The following NRG2 variants were observed in gnomAD, a reference collection of about 807,000 sequenced individuals.
The protein encoded by NRG2 is neuregulin 2, also known as pro-neuregulin-2, membrane-bound isoform.
A neutral mutation model predicts 73.9 loss-of-function variants in NRG2; 27 were observed. The observed-to-expected ratio is 0.37, with a 90% CI of 0.27 to 0.50. The LOEUF (loss-of-function observed/expected upper bound fraction) is 0.50. NRG2 is among the 20% of genes least tolerant of loss of function. NRG2 has a pLI of 0.96. For synonymous variants in NRG2, 532 were observed against 541.0 expected, an observed-to-expected ratio of 0.98 and a Z score of 0.23; for missense variants, 1,126 against 1,210.1, an observed-to-expected ratio of 0.93 and a Z score of 1.03.
rs1759195436 is a variant in NRG2 at position 140,009,635 on chromosome 5, G to A, written c.700+32735C>T. On this transcript the variant is annotated intron_variant, in intron 1 of 9. Coordinates refer to ENST00000361474, the MANE Select transcript of NRG2 (RefSeq NM_004883.3). ...TCCCACCAACAATGAATGAGAGGAT[G>A]TCCCACATCCTTGCCAGCTTTTGGT... Among the ~76,000 whole-genome samples, 4 of 152,206 alleles carry A rather than the reference G, an allele frequency of 2.6e-5. No homozygotes were observed. The South Asian group carries it at 8.3e-4, about 32-fold the overall frequency.
At chr5:139,929,906 A>G (rs955855778) in intron 1 of NRG2, among the ~76,000 whole-genome samples, 1 of 152,228 alleles carries the variant, frequency 6.6e-6, no homozygotes, top group African/African-American at 2.4e-5. Context: ...TTGGAGAAAA[A>G]GCAAGAAAAT....
At position 139,906,295 on chromosome 5, in the gene NRG2, C is replaced by T. The variant is rs567411160; in HGVS notation, c.701-18784G>A. On this transcript the variant is annotated intron_variant, in intron 1 of 9. Coordinates refer to ENST00000361474, the MANE Select transcript of NRG2 (RefSeq NM_004883.3). ...TGTTGGGATTACAGGTGTGAGCCAC[C>T]GCGCCCGGCCCAGACTGAGCTTTCT... 4.1e-4 allele frequency among the ~76,000 whole-genome samples: 62 copies of T among 152,202 alleles called. No homozygotes were observed. The Middle Eastern group carries it at 0.01, about 25-fold the overall frequency.
In NRG2 at chr5:140,043,103, GC is replaced by G; in HGVS notation, c.-35del. ...GCCATTTGGGGGGCTCCGCCGCTCA[GC>G]CGCCGCCGCCTTGGGAGGGGAAACA... On this transcript the variant is annotated 5_prime_UTR_variant, in exon 1 of 10. Coordinates refer to ENST00000361474, the MANE Select transcript of NRG2 (RefSeq NM_004883.3). The surrounding 1 kb of genome is among the most constrained non-coding windows in gnomAD (Gnocchi z 6.7). 1 of 1,555,536 alleles carries G rather than the reference GC, an allele frequency of 6.4e-7. No individual in the cohort carries two copies.
intron 3 of NRG2, among the ~76,000 whole-genome samples, chr5:139,873,938 T>C (rs1020295260): frequency 2.0e-4 from 30 of 152,188 alleles, no homozygotes; most frequent in Non-Finnish European, 4.4e-5. Flanking sequence ...GCCAGTATCA[T>C]GTTGTCATGG....
At chr5:139,939,231 CCTTCCTTCCTTCCTTT>C (rs1156381369) in intron 1 of NRG2, among the ~76,000 whole-genome samples, 4 of 144,622 alleles carry the variant, frequency 2.8e-5, no homozygotes, top group African/African-American at 8.1e-5. Flanking sequence ...TTCCTTCCTT[CCTTCCTTCCTTCCTTT>C]CTTTCTTTCT....
At chr5:139,885,646 T>C (rs978626182) in intron 2 of NRG2, among the ~76,000 whole-genome samples, 2 of 150,902 alleles carry the variant, frequency 1.3e-5, no homozygotes, top group African/African-American at 4.9e-5. Context: ...GGTTTGTTGG[T>C]AGGGAGAGAA....
At chr5:139,945,530 C>T (rs553225124) in intron 1 of NRG2, among the ~76,000 whole-genome samples, 2 of 152,068 alleles carry the variant, frequency 1.3e-5, no homozygotes, top group East Asian at 1.9e-4. Context: ...TATGGCAGTA[C>T]CATGCTGTTT....
At chr5:140,007,089 G>A (rs1322082416) in intron 1 of NRG2, among the ~76,000 whole-genome samples, 1 of 152,140 alleles carries the variant, frequency 6.6e-6, no homozygotes, top group Admixed American at 6.5e-5. Flanking sequence ...GAAGGTGGAT[G>A]CTACTGGCAT....
intron 1 of NRG2, among the ~76,000 whole-genome samples, chr5:139,934,893 G>A (rs1273662663): frequency 6.6e-6 from 1 of 152,190 alleles, no homozygotes; most frequent in Admixed American, 6.5e-5. Flanking sequence ...GGCCGGGCGC[G>A]GTGGCTCATG....
chr5:139,854,930 A>G (rs1761711937), intron 6 of NRG2, among the ~76,000 whole-genome samples: 1 of 151,864 alleles, frequency 6.6e-6, no homozygotes, highest in Non-Finnish European at 1.5e-5. Context: ...ATTCTTTTAG[A>G]CTCATGCCCG....
rs1561713264 is a variant in NRG2 at position 139,964,356 on chromosome 5, AT to A, written c.701-76846del. Among the ~76,000 whole-genome samples, 50 of 136,896 alleles carry A rather than the reference AT, an allele frequency of 3.7e-4. 1 individual carries two copies. In the East Asian group the frequency reaches 9.8e-3, roughly 27 times the overall value. 89.8% of individuals were successfully genotyped at this position (136,896 alleles called of 152,430 possible). A position where few individuals can be genotyped will look rare whatever the true frequency, so the allele number is the denominator to read the frequency against. The stretch of plus-strand genomic sequence containing the variant: ...TGGTTAGTCATACACAGAAATACAG[AT>A]ACACACACACACACACACACACACA... On this transcript the variant is annotated intron_variant, in intron 1 of 9. Coordinates refer to ENST00000361474, the MANE Select transcript of NRG2 (RefSeq NM_004883.3).
At chr5:140,028,202 G>A (rs550947438) in intron 1 of NRG2, among the ~76,000 whole-genome samples, 24 of 152,240 alleles carry the variant, frequency 1.6e-4, no homozygotes, top group Admixed American at 5.9e-4. Context: ...TATTGCATCC[G>A]TACTATTAAT....
At chr5:139,859,930 C>T (rs545874150) in intron 5 of NRG2, 116 of 1,609,440 alleles carry the variant, frequency 7.2e-5, no homozygotes, top group Admixed American at 3.2e-4. Context: ...TGCAGAAGAG[C>T]GAGGGTCACA....
At position 139,852,432 on chromosome 5, in the gene NRG2, C is replaced by T. The variant is rs1457438612; in HGVS notation, c.1544G>A (p.Arg515Lys). The T allele has an allele frequency of 3.7e-6, 6 of 1,612,420 alleles. No homozygotes were observed. The highest frequency in any genetic ancestry group is 1.7e-5 in the Admixed American group (1 of 59,762). ...CSTATPTSSH[R>K]HESHTWSLER... ...TTCCATGGGCCTTGGTGGTGCCTAC[C>T]TGTGGCTGGAGGTGGGTGTGGCTGT... Residue 515 changes from arginine (R) to lysine (K), a missense_variant and splice_region_variant, in exon 8 of 10, where the codon AGA becomes AAA. This residue lies in a region of NRG2 where 539 missense variants were observed against 703.2 expected (regional missense o/e 0.77). Transcript: ENST00000361474. This position sits in a 1 kb window ranked among gnomAD's most constrained non-coding sequence, Gnocchi z 4.4.
intron 1 of NRG2, among the ~76,000 whole-genome samples, chr5:139,966,753 C>T (rs1755552289): frequency 6.6e-6 from 1 of 151,970 alleles, no homozygotes; most frequent in African/African-American, 2.4e-5. Flanking sequence ...CCTGGAGGGC[C>T]TGGGAAACTG....
intron 1 of NRG2, among the ~76,000 whole-genome samples, chr5:139,924,048 T>C (rs919874006): frequency 1.3e-5 from 2 of 152,130 alleles, no homozygotes; most frequent in African/African-American, 4.8e-5. Context: ...GTGGAGAAGA[T>C]AGCAGGCAAA....
At position 139,856,560 on chromosome 5, in the gene NRG2, C is replaced by T. The variant is rs561636064; in HGVS notation, c.1190-782G>A. On this transcript the variant is annotated intron_variant, in intron 5 of 9. Transcript: ENST00000361474. This position sits in a 1 kb window ranked among gnomAD's most constrained non-coding sequence, Gnocchi z 4.2. ...AAGGCTACAGCCCGGAGACCCCACC[C>T]GTGCCCACCACACCTGCTGGCTGGC... 1.6e-4 allele frequency among the ~76,000 whole-genome samples: 25 copies of T among 152,320 alleles called. No homozygotes were observed. The highest frequency in any genetic ancestry group is 3.2e-4 in the Non-Finnish European group (22 of 68,018).
chr5:140,012,753 T>C (rs1234888842), intron 1 of NRG2, among the ~76,000 whole-genome samples: 1 of 152,222 alleles, frequency 6.6e-6, no homozygotes, highest in African/African-American at 2.4e-5. Context: ...TCACAGTGAA[T>C]ATGATGTTCT....
At chr5:139,924,505 T>C (rs1213781625) in intron 1 of NRG2, among the ~76,000 whole-genome samples, 1 of 152,246 alleles carries the variant, frequency 6.6e-6, no homozygotes, top group Non-Finnish European at 1.5e-5. Flanking sequence ...CCCTTGTTCA[T>C]AACTTCTTGG....
Sources: gnomAD v4.1 joint callset for allele counts (sites outside exome capture counted in the v4.1 genomes callset) on GRCh38, gnomAD v4.1.1 for gene constraint, gnomAD v4.1.1 regional missense constraint, Gnocchi (gnomAD v3.1) non-coding constraint, MANE v1.5 for transcripts, NCBI Gene and HGNC (gene_info 2026-07-23, HGNC 2026-07-21) for gene names.